The following MUC7 variants were observed in gnomAD, a reference collection of about 807,000 sequenced individuals.
MUC7 encodes the protein mucin-7.
A neutral mutation model predicts 2.5 loss-of-function variants in MUC7; 2 were observed. The observed-to-expected ratio is 0.81, with a 90% CI of 0.33 to 2.55. MUC7 has a LOEUF of 2.55. Ranked by LOEUF, MUC7 falls within the 30% of genes most tolerant of loss-of-function variation. MUC7 has a pLI of 0.11. For synonymous variants in MUC7, 133 were observed against 173.4 expected (o/e 0.77, Z 1.83); for missense variants, 408 against 455.6 (o/e 0.90, Z 0.95).
intron 1 of MUC7, among the ~76,000 whole-genome samples, chr4:70,460,596 C>T (rs920618466): frequency 4.6e-5 from 7 of 151,848 alleles, no homozygotes; most frequent in African/African-American, 1.5e-4. Context: ...TTTTCAGGCT[C>T]TGAAAAGCAC....
rs192882229 is a variant in MUC7, at chr4:70,436,401, T to C, written c.-93+5714T>C. 2.6e-5 allele frequency among the ~76,000 whole-genome samples: 4 copies of C among 152,312 alleles called. No homozygotes were observed. In the East Asian group the frequency reaches 7.7e-4, roughly 29 times the overall value. ...TTTCCTGGAGGCTTTGTTCATTTCT[T>C]TTCACTTTTTTTTCTCTAGTCTTGT... On this transcript the variant is annotated intron_variant, in intron 1 of 3. Transcript: ENST00000413702.
intron 1 of MUC7, among the ~76,000 whole-genome samples, chr4:70,456,568 G>A (rs1363063531): frequency 6.6e-6 from 1 of 152,042 alleles, no homozygotes; most frequent in Non-Finnish European, 1.5e-5. Context: ...AACAAAGGGG[G>A]GACTGCCACA....
chr4:70,477,596 T>C (rs41408546), intron 2 of MUC7, among the ~76,000 whole-genome samples: 1,921 of 152,184 alleles, frequency 0.013, 41 homozygotes, highest in African/African-American at 0.044. Context: ...TCTCCTTCCC[T>C]TGACTCCAGC....
At chr4:70,476,724 T>G (rs944861361) in intron 2 of MUC7, among the ~76,000 whole-genome samples, 1 of 152,274 alleles carries the variant, frequency 6.6e-6, no homozygotes, top group Non-Finnish European at 1.5e-5. Context: ...GAGGCAGAGG[T>G]TGCAGTGAGC....
At chr4:70,479,467 C>A (rs1735106213) in intron 2 of MUC7, among the ~76,000 whole-genome samples, 1 of 152,306 alleles carries the variant, frequency 6.6e-6, no homozygotes, top group East Asian at 1.9e-4. Context: ...TAACTTGCGA[C>A]TGGAATGATT....
At chr4:70,437,450 C>A (rs188905608) in intron 1 of MUC7, among the ~76,000 whole-genome samples, 6 of 152,250 alleles carry the variant, frequency 3.9e-5, no homozygotes, top group East Asian at 1.9e-4. Context: ...CCCCCCGCCA[C>A]GCTGTAGCGT....
At chr4:70,480,404 A>C (rs1735130557) in intron 2 of MUC7, among the ~76,000 whole-genome samples, 1 of 152,138 alleles carries the variant, frequency 6.6e-6, no homozygotes, top group South Asian at 2.1e-4. Flanking sequence ...ATCTCAGTTG[A>C]ATGTCTTTGA....
At chr4:70,470,873 G>C (rs1490806795), upstream of MUC7, among the ~76,000 whole-genome samples, 1 of 152,046 alleles carries the variant, frequency 6.6e-6, no homozygotes, top group Non-Finnish European at 1.5e-5. Context: ...AATAGCTGAG[G>C]GTGTTCCATT....
At chr4:70,465,206 A>T (rs1247644061) in intron 1 of MUC7, among the ~76,000 whole-genome samples, 1 of 152,190 alleles carries the variant, frequency 6.6e-6, no homozygotes, top group Non-Finnish European at 1.5e-5. Flanking sequence ...TAGCATCAAC[A>T]TCAACAAAAA....
intron 1 of MUC7, among the ~76,000 whole-genome samples, chr4:70,447,970 T>C (rs903192577): frequency 6.6e-6 from 1 of 152,134 alleles, no homozygotes; most frequent in Non-Finnish European, 1.5e-5. Context: ...TAACAATGCT[T>C]CTACTCTCTA....
intron 1 of MUC7, among the ~76,000 whole-genome samples, chr4:70,447,089 C>T (rs4447929): frequency 0.81 from 119,789 of 148,494 alleles, 48,838 homozygotes; most frequent in Middle Eastern, 0.88. Context: ...AGAGGGGCAA[C>T]CTTTCCAAAA....
intron 1 of MUC7, chr4:70,430,734 A>C (rs1733637368): frequency 6.6e-6 from 1 of 152,160 alleles, no homozygotes; most frequent in Non-Finnish European, 1.5e-5. Context: ...ATAGAGAATC[A>C]AGGTTATTTT....
rs1348463559 is a variant in MUC7, at chr4:70,473,990, A to G, written c.-15-17A>G. On this transcript the variant is annotated splice_polypyrimidine_tract_variant and intron_variant, in intron 1 of 2. Transcript: ENST00000304887. ...AATATCATAACTAATAGTACGCCAC[A>G]TTTCTGCTTTTCCCAGGAGACATCA... The G allele has an allele frequency of 2.5e-6, 4 of 1,587,504 alleles. No individual in the cohort carries two copies. Among genetic ancestry groups the G allele is most frequent in the East Asian group, 2.2e-5 (1 of 44,672 alleles).
At chr4:70,450,485 T>G (rs1734253835) in intron 1 of MUC7, among the ~76,000 whole-genome samples, 1 of 152,196 alleles carries the variant, frequency 6.6e-6, no homozygotes, top group African/African-American at 2.4e-5. Context: ...AAGTCTCCTT[T>G]GCTTTTCCCT....
intron 1 of MUC7, among the ~76,000 whole-genome samples, chr4:70,432,111 T>G (rs1232027275): frequency 1.3e-5 from 2 of 152,210 alleles, no homozygotes; most frequent in African/African-American, 2.4e-5. Flanking sequence ...TATTCCATGG[T>G]GTATATGTGC....
At chr4:70,470,185 C>G (rs905731735), upstream of MUC7, among the ~76,000 whole-genome samples, 1 of 152,172 alleles carries the variant, frequency 6.6e-6, no homozygotes, top group African/African-American at 2.4e-5. Context: ...CATGTTCTCA[C>G]TCACAAGTGG....
chr4:70,474,443 A>G (rs532623287), intron 2 of MUC7, among the ~76,000 whole-genome samples: 1 of 152,240 alleles, frequency 6.6e-6, no homozygotes, highest in Admixed American at 6.5e-5. Context: ...TAAGCCTGGG[A>G]GGTCAAGGCT....
intron 1 of MUC7, among the ~76,000 whole-genome samples, chr4:70,455,500 T>C (rs1734389525): frequency 1.3e-5 from 2 of 152,342 alleles, no homozygotes; most frequent in Middle Eastern, 6.8e-3. Flanking sequence ...TCACCCTGTT[T>C]GCAATTCTTT....
At chr4:70,435,226 C>G (rs1014634927) in intron 1 of MUC7, among the ~76,000 whole-genome samples, 1 of 152,194 alleles carries the variant, frequency 6.6e-6, no homozygotes, top group African/African-American at 2.4e-5. Flanking sequence ...ATTAGATCCA[C>G]TTGGTCCAGA....
Sources: gnomAD v4.1 joint callset for allele counts (sites outside exome capture counted in the v4.1 genomes callset) on GRCh38, gnomAD v4.1.1 for gene constraint, MANE v1.5 for transcripts, NCBI Gene and HGNC (gene_info 2026-07-23, HGNC 2026-07-21) for gene names.